The following PILRA variants were observed in gnomAD, a reference collection of about 807,000 sequenced individuals.
The protein encoded by PILRA is paired immunoglobulin-like type 2 receptor alpha.
Under a neutral mutation model 33.1 loss-of-function variants are expected in PILRA, and 37 were observed. The observed-to-expected ratio is 1.12, with a 90% CI of 0.86 to 1.47. The LOEUF is 1.47. Ranked by LOEUF, PILRA falls within the 40% of genes most tolerant of loss-of-function variation. PILRA has a pLI of 0.00. For synonymous variants in PILRA, 146 were observed against 149.9 expected (o/e 0.97, Z 0.19); for missense variants, 312 against 376.2 (o/e 0.83, Z 1.41).
At chr7:100,381,460 A>ATT (rs1563117336) in intron 2 of PILRA, among the ~76,000 whole-genome samples, 6 of 151,700 alleles carry the variant, frequency 4.0e-5, no homozygotes, top group African/African-American at 1.5e-4. Flanking sequence ...AAAAAAAAAA[A>ATT]AAAAAATTAA....
In PILRA at chr7:100,397,114, C is replaced by G. The variant is rs1171295546; in HGVS notation, c.674-765C>G. 2.8e-5 allele frequency among the ~76,000 whole-genome samples: 4 copies of G among 143,326 alleles called. No homozygotes were observed. The East Asian group carries it at 7.9e-4, about 28-fold the overall frequency. The allele number at this position is 143,326 out of a possible 152,430, so 94.0% of individuals were successfully genotyped here. ...CTAGCAATTAATATTTCAGAGTTCT[C>G]AGTCTAAACATTAAAAAAAAAAAAA... On this transcript the variant is annotated intron_variant, in intron 3 of 6. Transcript: ENST00000198536.
chr7:100,381,262 G>A (rs1343984070), intron 2 of PILRA, among the ~76,000 whole-genome samples: 2 of 151,456 alleles, frequency 1.3e-5, no homozygotes, highest in Admixed American at 6.6e-5. Context: ...CGAGACTACC[G>A]TCTCACAAAA....
intron 2 of PILRA, among the ~76,000 whole-genome samples, chr7:100,382,970 C>G (rs929837907): frequency 6.6e-6 from 1 of 152,194 alleles, no homozygotes; most frequent in Admixed American, 6.5e-5. Context: ...GTCAGTGAGA[C>G]TGAGCACTCA....
At chr7:100,380,695 A>T (rs1463011586) in intron 2 of PILRA, among the ~76,000 whole-genome samples, 1 of 152,134 alleles carries the variant, frequency 6.6e-6, no homozygotes, top group African/African-American at 2.4e-5. Context: ...GCCTGTCGTG[A>T]TAGTTCACGT....
rs755564671 is a variant in PILRA, at chr7:100,397,914, T to C, written c.707+2T>C. 2 of 1,613,714 alleles carry C rather than the reference T, an allele frequency of 1.2e-6. No homozygotes were observed. Among genetic ancestry groups the C allele is most frequent in the Non-Finnish European group, 1.7e-6 (2 of 1,179,770 alleles). On this transcript the variant is annotated splice_donor_variant, in intron 4 of 6. Transcript: ENST00000198536. LOFTEE classifies it high-confidence loss of function. The stretch of plus-strand genomic sequence containing the variant: ...GACTAAAGCCACAACCCCAGCCAGG[T>C]GAGTGCTGGGCCTCCCCAGGGTGGG...
chr7:100,391,560 G>A (rs1563121359), intron 3 of PILRA, among the ~76,000 whole-genome samples: 1 of 152,122 alleles, frequency 6.6e-6, no homozygotes, highest in East Asian at 1.9e-4. Context: ...GGTGGCGTGC[G>A]CCTGTGGTCC....
chr7:100,375,304 G>C (rs1466421885), intron 2 of PILRA, among the ~76,000 whole-genome samples: 5 of 152,310 alleles, frequency 3.3e-5, no homozygotes, highest in African/African-American at 1.2e-4. Flanking sequence ...CATTGCCCTA[G>C]TGAACCCTCA....
At chr7:100,394,526 G>A (rs180911123) in intron 3 of PILRA, among the ~76,000 whole-genome samples, 135 of 150,590 alleles carry the variant, frequency 9.0e-4, no homozygotes, top group Non-Finnish European at 1.7e-3. Context: ...CCTGGGAGGC[G>A]GAGGTTGCAG....
chr7:100,382,973 A>G (rs1791151991), intron 2 of PILRA, among the ~76,000 whole-genome samples: 1 of 152,236 alleles, frequency 6.6e-6, no homozygotes, highest in Admixed American at 6.5e-5. Context: ...AGTGAGACTG[A>G]GCACTCACCA....
At chr7:100,397,334 A>G (rs1388149889) in intron 3 of PILRA, among the ~76,000 whole-genome samples, 3 of 152,028 alleles carry the variant, frequency 2.0e-5, no homozygotes, top group South Asian at 2.1e-4. Flanking sequence ...GCAGGACACA[A>G]TGGGAGAGGC....
intron 2 of PILRA, among the ~76,000 whole-genome samples, chr7:100,389,662 G>A (rs910147094): frequency 6.6e-6 from 1 of 151,590 alleles, no homozygotes; most frequent in Non-Finnish European, 1.5e-5. Flanking sequence ...GGAAAGGAAA[G>A]GAAAGGAAAG....
In PILRA at chr7:100,373,510, G is replaced by A; in HGVS notation, c.-147G>A. ...TCACCCTGGAGGTGCACTGGTTTGG[G>A]GAAGGCTCCTGGCCCCCACAGCCCT... is the stretch of plus-strand genomic sequence containing the variant. On this transcript the variant is annotated 5_prime_UTR_variant, in exon 1 of 7. Coordinates refer to ENST00000198536, the MANE Select transcript of PILRA (RefSeq NM_013439.3). 1 of 826,544 alleles carries A rather than the reference G, an allele frequency of 1.2e-6. No individual in the cohort carries two copies. Among genetic ancestry groups the A allele is most frequent in the Non-Finnish European group, 2.0e-6 (1 of 495,418 alleles). 51.2% of individuals were successfully genotyped at this position (826,544 alleles called of 1,614,324 possible).
At chr7:100,393,676 C>G (rs1225351700) in intron 3 of PILRA, among the ~76,000 whole-genome samples, 1 of 152,158 alleles carries the variant, frequency 6.6e-6, no homozygotes, top group East Asian at 1.9e-4. Flanking sequence ...CATCACTGTT[C>G]TTAGACACTC....
At position 100,373,560 on chromosome 7, in the gene PILRA, C is replaced by T; in HGVS notation, c.-97C>T. ...TCTTCGGAGCCTGAGCCCGGCTCTC[C>T]TCACTCACCTCAACCCCCAGGCGGC... On this transcript the variant is annotated 5_prime_UTR_variant, in exon 1 of 7. Coordinates refer to ENST00000198536, the MANE Select transcript of PILRA (RefSeq NM_013439.3). 1.4e-6 allele frequency: 2 copies of T among 1,410,560 alleles called. No individual in the cohort carries two copies. Among genetic ancestry groups the T allele is most frequent in the Non-Finnish European group, 2.0e-6 (2 of 1,003,064 alleles). The allele number at this position is 1,410,560 out of a possible 1,614,324, so 87.4% of individuals were successfully genotyped here.
At chr7:100,381,817 C>T (rs1212506466) in intron 2 of PILRA, among the ~76,000 whole-genome samples, 2 of 152,212 alleles carry the variant, frequency 1.3e-5, no homozygotes, top group Non-Finnish European at 2.9e-5. Flanking sequence ...GGGCCCCGCA[C>T]TCGGAGTGGC....
At chr7:100,398,891 T>C (rs895526714) in intron 4 of PILRA, among the ~76,000 whole-genome samples, 2 of 151,260 alleles carry the variant, frequency 1.3e-5, no homozygotes, top group Non-Finnish European at 2.9e-5. Flanking sequence ...TGCAGAGCAC[T>C]CCCCAAAGAG....
At chr7:100,382,103 G>C (rs1029413978) in intron 2 of PILRA, among the ~76,000 whole-genome samples, 1 of 150,700 alleles carries the variant, frequency 6.6e-6, no homozygotes, top group South Asian at 2.1e-4. Context: ...GACCGCCCAA[G>C]GGCCGAGGAG....
In PILRA at chr7:100,374,340, T is replaced by G; in HGVS notation, c.361T>G (p.Ser121Ala). The G allele has an allele frequency of 6.2e-7, 1 of 1,613,844 alleles. No individual in the cohort carries two copies. Among genetic ancestry groups the G allele is most frequent in the Non-Finnish European group, 8.5e-7 (1 of 1,179,918 alleles). Residue 121 changes from serine (S) to alanine (A), a missense_variant, in exon 2 of 7, where the codon TCT becomes GCT. Physicochemically the swap from Ser to Ala is moderately conservative, Grantham distance 99. Transcript: ENST00000198536. ...CTCCAACCTGCAGAAGCAGGACCAG[T>G]CTGTGTATTTCTGCCGAGTTGAGCT... ...RISNLQKQDQ[S>A]VYFCRVELDT...
chr7:100,372,484 A>G (rs1790841384), upstream of PILRA, among the ~76,000 whole-genome samples: 1 of 151,986 alleles, frequency 6.6e-6, no homozygotes, highest in South Asian at 2.1e-4. Context: ...CACCCTGGAG[A>G]GGGTGGGCAG....
Sources: allele counts gnomAD v4.1 joint callset (sites outside exome capture counted in the v4.1 genomes callset), GRCh38; gene constraint gnomAD v4.1.1; transcripts MANE v1.5; gene names NCBI Gene and HGNC (gene_info 2026-07-23, HGNC 2026-07-21).